The following LDAF1 variants were observed in gnomAD, a reference collection of about 807,000 sequenced individuals.
The protein encoded by LDAF1 is PROMETHIN.
In LDAF1, 7 loss-of-function variants were observed where a neutral mutation model predicts 13.5. The ratio of observed to expected loss-of-function variants is 0.52; its 90% confidence interval spans 0.29 to 0.97. LDAF1 has a LOEUF of 0.97. Among genes scored for constraint, LDAF1 ranks in the 50% least tolerant of loss-of-function variants. The probability of loss-of-function intolerance (pLI) is 0.07; values close to 1 mark genes in which losing one functional copy is unlikely to be tolerated. For synonymous variants in LDAF1, 69 were observed against 77.1 expected (o/e 0.89, Z 0.55); for missense variants, 148 against 193.2 (o/e 0.77, Z 1.39).
intron 2 of LDAF1, among the ~76,000 whole-genome samples, chr16:21,164,335 C>A (rs1351835433): frequency 6.6e-6 from 1 of 152,148 alleles, no homozygotes; most frequent in Non-Finnish European, 1.5e-5. Flanking sequence ...CCTCGAACTT[C>A]TGGTCTCAAG....
Position 21,170,511 on chromosome 16 carries a change from G to C in LDAF1, c.171G>C (p.Val57=). The C allele has an allele frequency of 6.2e-7, 1 of 1,614,112 alleles. No homozygotes were observed. Among genetic ancestry groups the C allele is most frequent in the Non-Finnish European group, 8.5e-7 (1 of 1,180,020 alleles). ...SHPFLAFTLL[V]FIVMSAVPVG... Reference sequence around the variant, plus strand: ...CGTTTCTGGCCTTCACCTTGCTGGTGTTCATTGTCATGTCGGCCGTTCCTG... The same window carrying C: ...CGTTTCTGGCCTTCACCTTGCTGGTCTTCATTGTCATGTCGGCCGTTCCTG... The change falls in exon 3 of 5, where the codon GTG becomes GTC. Residue 57 remains valine (V), a synonymous_variant. Coordinates refer to ENST00000233047, the MANE Select transcript of LDAF1 (RefSeq NM_001301771.2).
intron 1 of LDAF1, chr16:21,159,426 G>T: frequency 6.2e-7 from 1 of 1,613,960 alleles, no homozygotes; most frequent in Non-Finnish European, 8.5e-7. Context: ...AGCTCGAGGC[G>T]CCCTGTAGCT....
intron 3 of LDAF1, among the ~76,000 whole-genome samples, chr16:21,171,827 A>G (rs1004521860): frequency 2.0e-5 from 3 of 151,474 alleles, no homozygotes; most frequent in Admixed American, 1.3e-4. Flanking sequence ...AACCTCTGCC[A>G]CCCAGGTTCA....
At chr16:21,168,624 ATAT>A (rs1480424222) in intron 2 of LDAF1, among the ~76,000 whole-genome samples, 9 of 141,592 alleles carry the variant, frequency 6.4e-5, no homozygotes, top group South Asian at 2.1e-4. Context: ...TTGATAACTA[ATAT>A]TAGTATAATA....
intron 3 of LDAF1, 53 bp from the exon 4 acceptor site, chr16:21,173,957 A>G: frequency 1.3e-6 from 2 of 1,559,300 alleles, no homozygotes; most frequent in Non-Finnish European, 8.7e-7. Context: ...AGGGTCTGCC[A>G]GTTTTCAACC....
chr16:21,166,976 T>A, intron 2 of LDAF1: 2 of 1,458,090 alleles, frequency 1.4e-6, no homozygotes, highest in Non-Finnish European at 1.9e-6. Flanking sequence ...GTGGCTTTTG[T>A]CAGAATGGTG....
intron 1 of LDAF1, chr16:21,159,878 TGG>T: frequency 2.0e-6 from 2 of 979,678 alleles, no homozygotes; most frequent in Non-Finnish European, 2.4e-6. Flanking sequence ...GATGAGATTA[TGG>T]GAACTGAGTG....
At chr16:21,178,326 A>G in intron 4 of LDAF1, 1 of 985,384 alleles carries the variant, frequency 1.0e-6, no homozygotes, top group African/African-American at 1.7e-5. Context: ...TAATCTTCCA[A>G]ACCAGCCTGA....
At position 21,159,445 on chromosome 16, in the gene LDAF1, C is replaced by T. The variant is rs777632528; in HGVS notation, c.-99+699C>T. 1.9e-6 allele frequency: 3 copies of T among 1,613,378 alleles called. No homozygotes were observed. The East Asian group carries it at 6.7e-5, about 36-fold the overall frequency. Reference sequence around the variant, plus strand: ...CGAGGCGCCCTGTAGCTCCCATCCCCCAACCAGAGATGTGACCCCTCCTCC... The same window carrying T: ...CGAGGCGCCCTGTAGCTCCCATCCCTCAACCAGAGATGTGACCCCTCCTCC... On this transcript the variant is annotated intron_variant, in intron 1 of 4. Transcript: ENST00000233047.
At chr16:21,175,942 G>A (rs1241676102) in intron 4 of LDAF1, among the ~76,000 whole-genome samples, 4 of 152,082 alleles carry the variant, frequency 2.6e-5, no homozygotes, top group Admixed American at 2.0e-4. Context: ...ATGGGGTCTT[G>A]CTGTGTTGCC....
chr16:21,165,404 C>G (rs1245532994), intron 2 of LDAF1, among the ~76,000 whole-genome samples: 1 of 152,126 alleles, frequency 6.6e-6, no homozygotes, highest in Non-Finnish European at 1.5e-5. Flanking sequence ...GAGTGAGATT[C>G]CATCTCAAAA....
Position 21,170,435 on chromosome 16 carries a change from AGGTGGT to A in LDAF1, c.98_103del (p.Val33_Val34del). ...CCCTGGCTCTTTGTCCTTTGCCTAC[AGGTGGT>A]GGCCTTTATGAAGTCTCCAGTGGGT... On this transcript the variant is annotated splice_acceptor_variant and coding_sequence_variant, in exon 3 of 5. Coordinates refer to ENST00000233047, the MANE Select transcript of LDAF1 (RefSeq NM_001301771.2). LOFTEE classifies it high-confidence loss of function. The A allele has an allele frequency of 6.2e-7, 1 of 1,614,062 alleles. No individual in the cohort carries two copies.
At position 21,159,247 on chromosome 16, in the gene LDAF1, A is replaced by G. The variant is rs539978959; in HGVS notation, c.-99+501A>G. On this transcript the variant is annotated intron_variant, in intron 1 of 4. Transcript: ENST00000233047. ...AGGGGGCTTCTTTACCCCCAAATTA[A>G]TAACTAAGTACTCGACTCCCCTCTG... is the stretch of plus-strand genomic sequence containing the variant. The G allele has an allele frequency of 1.3e-4, 169 of 1,280,264 alleles. No individual in the cohort carries two copies. In the East Asian group the frequency reaches 2.5e-3, roughly 19 times the overall value. The allele number at this position is 1,280,264 out of a possible 1,614,324, so 79.3% of individuals were successfully genotyped here.
chr16:21,160,307 T>C (rs1467764030), intron 1 of LDAF1, among the ~76,000 whole-genome samples: 1 of 152,174 alleles, frequency 6.6e-6, no homozygotes, highest in Non-Finnish European at 1.5e-5. Flanking sequence ...AAAATATATC[T>C]AATTTAACCA....
intron 1 of LDAF1, among the ~76,000 whole-genome samples, chr16:21,159,029 AC>A (rs1051246137): frequency 6.7e-6 from 1 of 150,028 alleles, no homozygotes; most frequent in African/African-American, 2.5e-5. Flanking sequence ...CACACACACT[AC>A]CACTAGATTA....
At chr16:21,162,754 G>A (rs1191403867) in intron 2 of LDAF1, among the ~76,000 whole-genome samples, 2 of 152,168 alleles carry the variant, frequency 1.3e-5, no homozygotes, top group Non-Finnish European at 2.9e-5. Flanking sequence ...GCCAGCTGGC[G>A]GGGACTCTTG....
intron 3 of LDAF1, among the ~76,000 whole-genome samples, 159 bp downstream of exon 3, chr16:21,170,764 C>A (rs1460228912): frequency 6.6e-6 from 1 of 152,138 alleles, no homozygotes; most frequent in African/African-American, 2.4e-5. Flanking sequence ...CGTCGGCCTG[C>A]CAAAGTGCTG....
chr16:21,174,717 T>G (rs1032218102), intron 4 of LDAF1, among the ~76,000 whole-genome samples: 3 of 152,206 alleles, frequency 2.0e-5, no homozygotes, highest in Non-Finnish European at 2.9e-5. Flanking sequence ...ATCAGTATTA[T>G]TGATTCCTTT....
At chr16:21,162,388 A>G (rs928190127) in intron 2 of LDAF1, among the ~76,000 whole-genome samples, 1 of 108,440 alleles carries the variant, frequency 9.2e-6, no homozygotes, top group African/African-American at 3.8e-5. Flanking sequence ...AGTGGCAATG[A>G]GACTTCAGAT....
Sources: allele counts gnomAD v4.1 joint callset (sites outside exome capture counted in the v4.1 genomes callset), GRCh38; gene constraint gnomAD v4.1.1; transcripts MANE v1.5; gene names NCBI Gene and HGNC (gene_info 2026-07-23, HGNC 2026-07-21).